KATNAL1: variants seen among roughly 807,000 people sequenced by gnomAD.
KATNAL1 encodes the protein katanin p60 ATPase-containing subunit A-like 1.
In KATNAL1, 32 loss-of-function variants were observed where a neutral mutation model predicts 55.2. The ratio of observed to expected loss-of-function variants is 0.58; its 90% CI spans 0.44 to 0.78. KATNAL1 has a LOEUF of 0.78. Among genes scored for constraint, KATNAL1 ranks in the 30% least tolerant of loss-of-function variants. The probability of loss-of-function intolerance (pLI) is 0.00; values close to 1 mark genes in which losing one functional copy is unlikely to be tolerated. For missense variants in KATNAL1, 466 were observed against 600.9 expected, an observed-to-expected ratio of 0.78 and a Z score of 2.35; for synonymous variants, 193 against 193.6, an observed-to-expected ratio of 1.00 and a Z score of 0.02.
intron 3 of KATNAL1, among the ~76,000 whole-genome samples, chr13:30,258,997 A>G (rs898469598): frequency 5.3e-5 from 8 of 152,214 alleles, no homozygotes; most frequent in African/African-American, 1.9e-4. Context: ...TCTTTCAACA[A>G]ATAGCTAAAT....
At chr13:30,265,036 T>C (rs1593912243) in intron 3 of KATNAL1, among the ~76,000 whole-genome samples, 1 of 151,100 alleles carries the variant, frequency 6.6e-6, no homozygotes, top group East Asian at 1.9e-4. Flanking sequence ...TGGAATACTA[T>C]GCAGCCATAA....
At chr13:30,275,107 T>C (rs1175730297) in intron 3 of KATNAL1, among the ~76,000 whole-genome samples, 1 of 152,180 alleles carries the variant, frequency 6.6e-6, no homozygotes, top group African/African-American at 2.4e-5. Flanking sequence ...TATACAGAAA[T>C]ACCTGAGGAT....
At chr13:30,283,913 T>C (rs972778981) in intron 1 of KATNAL1, 122 bp from the exon 2 acceptor site, 5 of 668,654 alleles carry the variant, frequency 7.5e-6, no homozygotes, top group East Asian at 5.7e-5. Context: ...ACTCACTTTA[T>C]TGCCCAGATT....
At chr13:30,304,376 T>G (rs965302418) in intron 1 of KATNAL1, among the ~76,000 whole-genome samples, 1 of 152,016 alleles carries the variant, frequency 6.6e-6, no homozygotes, top group African/African-American at 2.4e-5. Flanking sequence ...TTCAAGCTAT[T>G]CTCCTGCCTC....
At chr13:30,268,563 A>G (rs76882174) in intron 3 of KATNAL1, among the ~76,000 whole-genome samples, 4,794 of 152,310 alleles carry the variant, frequency 0.031, 84 homozygotes, top group African/African-American at 0.04. Context: ...CAAACAGACT[A>G]ATAACACAAG....
intron 4 of KATNAL1, among the ~76,000 whole-genome samples, chr13:30,254,393 A>ATGTT: frequency 6.6e-6 from 1 of 152,186 alleles, no homozygotes; most frequent in African/African-American, 2.4e-5. Flanking sequence ...ACAAACTACA[A>ATGTT]ACATTAAAAA....
At position 30,280,248 on chromosome 13, in the gene KATNAL1, T is replaced by C. The variant is rs767879422; in HGVS notation, c.163-25A>G. Reference sequence around the variant, plus strand: ...CCTTAAAAAAAAAAAATAGGCTTTATGCTAGAAGCTGTTTAAATACTTCAT... The same window carrying C: ...CCTTAAAAAAAAAAAATAGGCTTTACGCTAGAAGCTGTTTAAATACTTCAT... On this transcript the variant is annotated intron_variant, in intron 2 of 10. Coordinates refer to ENST00000380615, the MANE Select transcript of KATNAL1 (RefSeq NM_032116.5). 7.1e-6 allele frequency: 11 copies of C among 1,541,922 alleles called. No homozygotes were observed. The South Asian group carries it at 8.8e-5, about 12-fold the overall frequency.
At chr13:30,281,844 A>G (rs767226433) in intron 2 of KATNAL1, 1 of 152,240 alleles carries the variant, frequency 6.6e-6, no homozygotes, top group Non-Finnish European at 1.5e-5. Context: ...AGATGCACAC[A>G]AACTCCTGGA....
At chr13:30,275,943 T>C (rs1880810517) in intron 3 of KATNAL1, among the ~76,000 whole-genome samples, 2 of 152,210 alleles carry the variant, frequency 1.3e-5, no homozygotes, top group African/African-American at 4.8e-5. Context: ...CCATGTTGAA[T>C]ACTGCTGCAA....
At chr13:30,274,907 G>GCGCACA (rs869107567) in intron 3 of KATNAL1, among the ~76,000 whole-genome samples, 1,094 of 105,362 alleles carry the variant, frequency 0.01, 8 homozygotes, top group East Asian at 0.019. Context: ...GCGCGCGCGC[G>GCGCACA]CACACACACA....
intron 9 of KATNAL1, among the ~76,000 whole-genome samples, chr13:30,226,556 C>A (rs1241579902): frequency 6.6e-6 from 1 of 152,094 alleles, no homozygotes; most frequent in Non-Finnish European, 1.5e-5. Context: ...TGATAAAAAT[C>A]ACGTACAGTG....
chr13:30,257,248 G>C (rs1190226793), intron 3 of KATNAL1, among the ~76,000 whole-genome samples: 8 of 151,712 alleles, frequency 5.3e-5, no homozygotes, highest in Non-Finnish European at 1.2e-4. Context: ...GTATACACTT[G>C]TGTACATATA....
intron 9 of KATNAL1, among the ~76,000 whole-genome samples, chr13:30,225,623 T>C (rs566633174): frequency 6.7e-6 from 1 of 148,336 alleles, no homozygotes; most frequent in South Asian, 2.1e-4. Context: ...CAACTGCATA[T>C]ACATATGAAA....
At chr13:30,271,343 G>A (rs1880338888) in intron 3 of KATNAL1, among the ~76,000 whole-genome samples, 1 of 152,168 alleles carries the variant, frequency 6.6e-6, no homozygotes, top group African/African-American at 2.4e-5. Context: ...CCTGAGACTG[G>A]GTAATTTACA....
chr13:30,266,992 C>G (rs1879828135), intron 3 of KATNAL1, among the ~76,000 whole-genome samples: 1 of 152,168 alleles, frequency 6.6e-6, no homozygotes, highest in African/African-American at 2.4e-5. Flanking sequence ...ATGAGCCATA[C>G]TAAATCTTAT....
chr13:30,288,066 T>C lies in KATNAL1; in HGVS notation c.-14-4275A>G, dbSNP rs142890711. On this transcript the variant is annotated intron_variant, in intron 1 of 10. Transcript: ENST00000380615. ...ACTCTTTTTAGGGACAATATTTCAC[T>C]TAGTTGGGATTCAAAGTTAGTATTC... is the stretch of plus-strand genomic sequence containing the variant. 3.0e-3 allele frequency among the ~76,000 whole-genome samples: 457 copies of C among 152,294 alleles called. 3 individuals are homozygous for C. The highest frequency in any genetic ancestry group is 0.011 in the African/African-American group (442 of 41,582).
At chr13:30,283,245 C>T (rs183204957) in intron 2 of KATNAL1, among the ~76,000 whole-genome samples, 1,321 of 91,898 alleles carry the variant, frequency 0.014, 26 homozygotes, top group African/African-American at 0.057. Flanking sequence ...CCGGCCTGGG[C>T]GACAGAACAA....
chr13:30,261,863 C>T (rs1165580877), intron 3 of KATNAL1, among the ~76,000 whole-genome samples: 8 of 151,942 alleles, frequency 5.3e-5, no homozygotes, highest in African/African-American at 1.5e-4. Flanking sequence ...CTGCACCAAG[C>T]GGACCTAATA....
intron 6 of KATNAL1, among the ~76,000 whole-genome samples, chr13:30,239,373 G>A (rs1244009197): frequency 6.6e-6 from 1 of 152,074 alleles, no homozygotes; most frequent in Non-Finnish European, 1.5e-5. Context: ...TCATGCCACT[G>A]CACACCAGCC....
Sources: allele counts gnomAD v4.1 joint callset (sites outside exome capture counted in the v4.1 genomes callset), GRCh38; gene constraint gnomAD v4.1.1; transcripts MANE v1.5; gene names NCBI Gene and HGNC (gene_info 2026-07-23, HGNC 2026-07-21).